PPP3CA: variants seen among roughly 807,000 people sequenced by gnomAD.
PPP3CA encodes the protein CAM-PRP catalytic subunit.
In PPP3CA, 14 loss-of-function variants were observed where a neutral mutation model predicts 66.5. The ratio of observed to expected loss-of-function variants is 0.21; its 90% CI spans 0.14 to 0.33. PPP3CA has a LOEUF of 0.33. Ranked by LOEUF, PPP3CA falls within the 10% of genes least tolerant of loss-of-function variation. The pLI, the probability that PPP3CA is intolerant of heterozygous loss-of-function variation, is 1.00. For missense variants in PPP3CA, 317 were observed against 639.5 expected (o/e 0.50, Z 5.44); for synonymous variants, 232 against 226.2 (o/e 1.03, Z -0.23).
At chr4:101,253,448 C>A (rs1038447535) in intron 1 of PPP3CA, among the ~76,000 whole-genome samples, 4 of 152,086 alleles carry the variant, frequency 2.6e-5, no homozygotes, top group Admixed American at 6.6e-5. Flanking sequence ...ACTCTTCCAA[C>A]ATTTGGAATA....
intron 1 of PPP3CA, among the ~76,000 whole-genome samples, chr4:101,232,910 G>C (rs1726008467): frequency 6.6e-6 from 1 of 151,576 alleles, no homozygotes; most frequent in South Asian, 2.1e-4. Context: ...AGTAATAAAT[G>C]AAAAACACCA....
chr4:101,251,864 T>C (rs930800732), intron 1 of PPP3CA, among the ~76,000 whole-genome samples: 1 of 152,094 alleles, frequency 6.6e-6, no homozygotes, highest in South Asian at 2.1e-4. Flanking sequence ...AGCAAGAACA[T>C]ATGTAGATAC....
chr4:101,032,351 T>G lies in PPP3CA; in HGVS notation c.1255A>C (p.Ser419Arg). Residue 419 changes from serine to arginine, a missense_variant, in exon 12 of 14, where the codon AGT becomes CGT. Physicochemically the swap from Ser to Arg is moderately radical, Grantham distance 110. Around this residue, in one of 3 missense-constraint regions of PPP3CA, gnomAD observed 201 missense variants for 501.4 expected, o/e 0.40. Transcript: ENST00000394854. ...GTCAAGCCTTTCAGCGTCAGCACAC[T>G]CTCACTCTCTTCTCTGGAAGGCACA... ...VFSVLREESE[S>R]VLTLKGLTPT... 6.2e-7 allele frequency: 1 copy of G among 1,613,044 alleles called. No individual in the cohort carries two copies. The highest frequency in any genetic ancestry group is 8.5e-7 in the Non-Finnish European group (1 of 1,179,534).
chr4:101,314,605 A>T (rs1421102021), intron 1 of PPP3CA, among the ~76,000 whole-genome samples: 1 of 150,648 alleles, frequency 6.6e-6, no homozygotes, highest in Non-Finnish European at 1.5e-5. Flanking sequence ...TTTAATTTTC[A>T]AAATGGTAAC....
chr4:101,255,886 T>A (rs1726824645), intron 1 of PPP3CA, among the ~76,000 whole-genome samples: 1 of 151,922 alleles, frequency 6.6e-6, no homozygotes, highest in Non-Finnish European at 1.5e-5. Flanking sequence ...AAGGGAGGCA[T>A]TAAATAAGCA....
intron 8 of PPP3CA, among the ~76,000 whole-genome samples, chr4:101,067,190 G>A (rs904367883): frequency 6.6e-6 from 1 of 152,100 alleles, no homozygotes; most frequent in African/African-American, 2.4e-5. Flanking sequence ...CTAATCCCAC[G>A]AATCTGGAAG....
At chr4:101,190,197 A>C (rs1724553408) in intron 2 of PPP3CA, among the ~76,000 whole-genome samples, 1 of 152,074 alleles carries the variant, frequency 6.6e-6, no homozygotes, top group African/African-American at 2.4e-5. Context: ...TAAAGCCACG[A>C]TAGTATTGAT....
At chr4:101,225,078 C>A (rs921128919) in intron 1 of PPP3CA, among the ~76,000 whole-genome samples, 7 of 151,744 alleles carry the variant, frequency 4.6e-5, no homozygotes, top group African/African-American at 1.5e-4. Flanking sequence ...TGCTCCCTCA[C>A]CCCCTTTAGG....
At chr4:101,218,971 A>C (rs17030909) in intron 1 of PPP3CA, among the ~76,000 whole-genome samples, 1,912 of 152,170 alleles carry the variant, frequency 0.013, 33 homozygotes, top group African/African-American at 0.043. Flanking sequence ...GTCCCTTTGA[A>C]AACACCTGCT....
chr4:101,205,250 A>C (rs959194288), intron 1 of PPP3CA, among the ~76,000 whole-genome samples: 1 of 152,138 alleles, frequency 6.6e-6, no homozygotes, highest in African/African-American at 2.4e-5. Context: ...TTTAAACATG[A>C]TAATTATTCC....
At chr4:101,176,686 C>A (rs538610823) in intron 2 of PPP3CA, among the ~76,000 whole-genome samples, 3 of 152,074 alleles carry the variant, frequency 2.0e-5, no homozygotes, top group African/African-American at 7.2e-5. Context: ...ACATATGGGG[C>A]AAATGACTAA....
At chr4:101,033,929 T>G (rs1394114445) in intron 11 of PPP3CA, among the ~76,000 whole-genome samples, 1 of 152,192 alleles carries the variant, frequency 6.6e-6, no homozygotes, top group Non-Finnish European at 1.5e-5. Flanking sequence ...CTACCTGGAT[T>G]GCAGGAGCCT....
intron 1 of PPP3CA, chr4:101,330,332 G>A (rs1330541434): frequency 4.4e-6 from 2 of 457,656 alleles, no homozygotes; most frequent in Admixed American, 2.9e-5. Flanking sequence ...TCTCAAGGAT[G>A]AGCAAAGAAG....
chr4:101,312,694 C>T (rs991093027), intron 1 of PPP3CA, among the ~76,000 whole-genome samples: 2 of 151,934 alleles, frequency 1.3e-5, no homozygotes, highest in African/African-American at 4.8e-5. Flanking sequence ...ACTGAAGAAA[C>T]TTCAAATAAT....
chr4:101,045,560 C>T (rs1727726709), intron 10 of PPP3CA, among the ~76,000 whole-genome samples: 1 of 152,094 alleles, frequency 6.6e-6, no homozygotes, highest in South Asian at 2.1e-4. Context: ...TGACATTCTC[C>T]ATAGAGATTT....
intron 1 of PPP3CA, among the ~76,000 whole-genome samples, chr4:101,207,052 A>G (rs556499142): frequency 2.0e-5 from 3 of 152,360 alleles, no homozygotes; most frequent in Admixed American, 2.0e-4. Flanking sequence ...ACAAGAAAAA[A>G]AAATTGCAAA....
intron 1 of PPP3CA, among the ~76,000 whole-genome samples, chr4:101,222,225 A>G (rs928439574): frequency 4.0e-5 from 6 of 151,652 alleles, no homozygotes; most frequent in African/African-American, 1.5e-4. Context: ...CCCTTATGAC[A>G]AACACATTGT....
intron 2 of PPP3CA, among the ~76,000 whole-genome samples, chr4:101,121,885 T>C (rs955549989): frequency 9.2e-5 from 14 of 152,084 alleles, no homozygotes; most frequent in Admixed American, 6.6e-4. Flanking sequence ...GATCTGGCCT[T>C]TTATCAATAA....
intron 8 of PPP3CA, among the ~76,000 whole-genome samples, chr4:101,080,145 T>A (rs1042365153): frequency 3.9e-5 from 6 of 152,210 alleles, no homozygotes; most frequent in Non-Finnish European, 8.8e-5. Flanking sequence ...GCTACTGGGT[T>A]TATTTTTTAT....
Sources: gnomAD v4.1 joint callset for allele counts (sites outside exome capture counted in the v4.1 genomes callset) on GRCh38, gnomAD v4.1.1 for gene constraint, gnomAD v4.1.1 regional missense constraint, MANE v1.5 for transcripts, NCBI Gene and HGNC (gene_info 2026-07-23, HGNC 2026-07-21) for gene names.